Variants in CHD5 observed in about 807,000 individuals in gnomAD.
CHD5 encodes the protein ATP-dependent chromatin remodeler CHD5.
Under a neutral mutation model 230.3 loss-of-function variants are expected in CHD5, and 69 were observed. The observed-to-expected ratio is 0.30, with a 90% CI of 0.25 to 0.37. The LOEUF is 0.37. Ranked by LOEUF, CHD5 falls within the 10% of genes least tolerant of loss-of-function variation. The pLI, the probability that CHD5 is intolerant of heterozygous loss-of-function variation, is 1.00. For synonymous variants in CHD5, 1,064 were observed against 1,065.9 expected (o/e 1.00, Z 0.03); for missense variants, 1,827 against 2,622.8 (o/e 0.70, Z 6.63).
At position 6,126,555 on chromosome 1, in the gene CHD5, T is replaced by A. The variant is rs1305741455; in HGVS notation, c.4078+17A>T. On this transcript the variant is annotated intron_variant, in intron 26 of 41. Transcript: ENST00000262450. The surrounding 1 kb of genome is among the most constrained non-coding windows in gnomAD (Gnocchi z 5.7). ...CCTCTGGGTGAGGGGCACCAGTCCCTCCCTCCCGGCACGCACCCTGGTCCT... is the reference window on the plus strand; with the variant it reads ...CCTCTGGGTGAGGGGCACCAGTCCCACCCTCCCGGCACGCACCCTGGTCCT... 1.9e-6 allele frequency: 3 copies of A among 1,611,502 alleles called. No homozygotes were observed. The highest frequency in any genetic ancestry group is 2.5e-6 in the Non-Finnish European group (3 of 1,179,726).
chr1:6,131,600 C>G lies in CHD5; in HGVS notation c.3262+31G>C, dbSNP rs761961265. 7 of 1,359,588 alleles carry G rather than the reference C, an allele frequency of 5.1e-6. No individual in the cohort carries two copies. The highest frequency in any genetic ancestry group is 6.3e-6 in the Non-Finnish European group (6 of 951,022). The allele number at this position is 1,359,588 out of a possible 1,614,324, so 84.2% of individuals were successfully genotyped here. A position where few individuals can be genotyped will look rare whatever the true frequency, so the allele number is the denominator to read the frequency against. On this transcript the variant is annotated intron_variant, in intron 21 of 41. Coordinates refer to ENST00000262450, the MANE Select transcript of CHD5 (RefSeq NM_015557.3). The surrounding 1 kb of genome is among the most constrained non-coding windows in gnomAD (Gnocchi z 5.0). ...GGGAGAAGAGGCCAAAAAGGAGTCT[C>G]AATCAGAACCCTTGGGCAGGATGGG...
At position 6,129,095 on chromosome 1, in the gene CHD5, C is replaced by T. The variant is rs764348549; in HGVS notation, c.3388-26G>A. On this transcript the variant is annotated intron_variant, in intron 22 of 41. Transcript: ENST00000262450. The surrounding 1 kb of genome is among the most constrained non-coding windows in gnomAD (Gnocchi z 6.8). ...CTGGGGAGACCTGCACCTCAGCACC[C>T]GTGGCTCACCCAGGGCTCCAGGCAA... 46 of 1,548,118 alleles carry T rather than the reference C, an allele frequency of 3.0e-5. No individual in the cohort carries two copies. The highest frequency in any genetic ancestry group is 1.7e-4 in the Middle Eastern group (1 of 5,720).
At chr1:6,143,516 G>A (rs1235336819) in intron 13 of CHD5, among the ~76,000 whole-genome samples, 1 of 152,144 alleles carries the variant, frequency 6.6e-6, no homozygotes, top group African/African-American at 2.4e-5. Flanking sequence ...AGCTACCCAG[G>A]GCTCACTGGC....
chr1:6,142,975 T>C lies in CHD5; in HGVS notation c.2044-370A>G, dbSNP rs950558785. ...GACATGTGGTCACTTACTCACCATT[T>C]TTTGGATGAACAACAAAACGAACAT... On this transcript the variant is annotated intron_variant, in intron 13 of 41. Transcript: ENST00000262450. The surrounding 1 kb of genome is among the most constrained non-coding windows in gnomAD (Gnocchi z 5.2). Among the ~76,000 whole-genome samples, 1 of 152,184 alleles carries C rather than the reference T, an allele frequency of 6.6e-6. No individual in the cohort carries two copies. The highest frequency in any genetic ancestry group is 2.4e-5 in the African/African-American group (1 of 41,432).
At position 6,142,489 on chromosome 1, in the gene CHD5, G is replaced by A. The variant is rs748725169; in HGVS notation, c.2160C>T (p.Asp720=). 1 of 1,614,168 alleles carries A rather than the reference G, an allele frequency of 6.2e-7. No individual in the cohort carries two copies. The highest frequency in any genetic ancestry group is 1.1e-5 in the South Asian group (1 of 91,086). ...WLRFSWAQGT[D]TILADEMGLG... ...GACCCATCTCATCGGCCAGGATGGT[G>A]TCAGTGCCCTGGGCCCAAGAGAAGC... Residue 720 remains aspartate (D), a synonymous_variant, in exon 14 of 42, where the codon GAC becomes GAT. Coordinates refer to ENST00000262450, the MANE Select transcript of CHD5 (RefSeq NM_015557.3). This position sits in a 1 kb window ranked among gnomAD's most constrained non-coding sequence, Gnocchi z 5.2.
intron 2 of CHD5, among the ~76,000 whole-genome samples, chr1:6,165,744 C>T (rs923911171): frequency 1.3e-5 from 2 of 152,200 alleles, no homozygotes; most frequent in South Asian, 4.1e-4. Context: ...AAGAGGAGGG[C>T]GGGGCTGCAG....
chr1:6,144,308 A>G (rs544757021), intron 11 of CHD5, among the ~76,000 whole-genome samples, 153 bp from the exon 12 acceptor site: 9 of 152,306 alleles, frequency 5.9e-5, no homozygotes, highest in Middle Eastern at 3.4e-3. Flanking sequence ...CAGAAGCTCC[A>G]GGGAGGTGCA....
In CHD5 at chr1:6,180,020, G is replaced by A; in HGVS notation, c.4C>T (p.Arg2Trp). The change falls in exon 1 of 42, where the codon CGG becomes TGG. Residue 2 changes from arginine (R) to tryptophan (W), a missense_variant. Arg to Trp is a moderately radical substitution (Grantham distance 101). This residue lies in a region of CHD5 where 113 missense variants were observed against 91.9 expected (regional missense o/e 1.23). Coordinates refer to ENST00000262450, the MANE Select transcript of CHD5 (RefSeq NM_015557.3). Reference protein sequence around the residue: MRGPVGTEEELP... With the variant: MWGPVGTEEELP... ...TCCTCCTCGGTGCCCACTGGGCCCC[G>A]CATGCCCGGCGCGGGGAGGAGGGGA... The A allele has an allele frequency of 1.5e-6, 2 of 1,346,482 alleles. No homozygotes were observed. Among genetic ancestry groups the A allele is most frequent in the African/African-American group, 1.5e-5 (1 of 65,194 alleles). The allele number at this position is 1,346,482 out of a possible 1,614,324, so 83.4% of individuals were successfully genotyped here.
chr1:6,127,202 G>A, intron 25 of CHD5: 1 of 173,184 alleles, frequency 5.8e-6, no homozygotes, highest in Non-Finnish European at 1.2e-5. Flanking sequence ...AAAAGTGTGG[G>A]GTGGACCAGG....
chr1:6,104,018 C>T lies in CHD5; in HGVS notation c.*1456G>A, dbSNP rs1181981559. 6.6e-6 allele frequency: 1 copy of T among 152,172 alleles called. No individual in the cohort carries two copies. The highest frequency in any genetic ancestry group is 1.5e-5 in the Non-Finnish European group (1 of 68,058). The allele number at this position is 152,172 out of a possible 1,614,324, so 9.4% of individuals were successfully genotyped here. On this transcript the variant is annotated 3_prime_UTR_variant, in exon 42 of 42. Coordinates refer to ENST00000262450, the MANE Select transcript of CHD5 (RefSeq NM_015557.3). Reference sequence around the variant, plus strand: ...TTTCACGCAGCCCTTTCCTAACATTCCCAGGATTCTGCACCCCAAGGCACC... The same window carrying T: ...TTTCACGCAGCCCTTTCCTAACATTTCCAGGATTCTGCACCCCAAGGCACC...
chr1:6,107,165 G>A (rs1666192955), intron 38 of CHD5, among the ~76,000 whole-genome samples: 1 of 148,636 alleles, frequency 6.7e-6, no homozygotes, highest in Non-Finnish European at 1.5e-5. Context: ...ATGGAGGGAT[G>A]GAGGGAAGGT....
At position 6,142,648 on chromosome 1, in the gene CHD5, C is replaced by T; in HGVS notation, c.2044-43G>A. The T allele has an allele frequency of 1.9e-6, 3 of 1,571,040 alleles. No homozygotes were observed. The highest frequency in any genetic ancestry group is 2.6e-6 in the Non-Finnish European group (3 of 1,156,734). ...GTTCAGACACGCCCCAGATCCTGGG[C>T]CACCAGAGTCCACACTACAGGCCTT... On this transcript the variant is annotated intron_variant, in intron 13 of 41. Transcript: ENST00000262450. The surrounding 1 kb of genome is among the most constrained non-coding windows in gnomAD (Gnocchi z 5.2).
At position 6,142,647 on chromosome 1, in the gene CHD5, G is replaced by A. The variant is rs752922119; in HGVS notation, c.2044-42C>T. ...GGTTCAGACACGCCCCAGATCCTGGGCCACCAGAGTCCACACTACAGGCCT... is the reference window on the plus strand; with the variant it reads ...GGTTCAGACACGCCCCAGATCCTGGACCACCAGAGTCCACACTACAGGCCT... On this transcript the variant is annotated intron_variant, in intron 13 of 41. Transcript: ENST00000262450. This position sits in a 1 kb window ranked among gnomAD's most constrained non-coding sequence, Gnocchi z 5.2. The A allele has an allele frequency of 4.8e-5, 76 of 1,571,720 alleles. No homozygotes were observed. The East Asian group carries it at 8.6e-4, about 18-fold the overall frequency.
In CHD5 at chr1:6,149,333, G is replaced by A. The variant is rs147670357; in HGVS notation, c.1074C>T (p.Cys358=). ...GATGGTAGGCCCTCGGGCAGGTGTC[G>A]CACAGGATGATCTCCCCACCCTGCT... ...VCQQGGEIIL[C]DTCPRAYHLV... is the part of the protein sequence containing the mutation. Residue 358 remains cysteine, a synonymous_variant, in exon 8 of 42, where the codon TGC becomes TGT. Transcript: ENST00000262450. 2.5e-5 allele frequency: 40 copies of A among 1,612,974 alleles called. No homozygotes were observed. The Middle Eastern group carries it at 6.6e-4, about 27-fold the overall frequency.
intron 33 of CHD5, among the ~76,000 whole-genome samples, chr1:6,119,657 G>C (rs1045787387): frequency 6.6e-6 from 1 of 151,644 alleles, no homozygotes; most frequent in Non-Finnish European, 1.5e-5. Context: ...TTAAAAACTT[G>C]AACAATATAA....
chr1:6,161,985 T>C (rs1485394247), intron 2 of CHD5, among the ~76,000 whole-genome samples: 2 of 152,182 alleles, frequency 1.3e-5, no homozygotes, highest in Non-Finnish European at 2.9e-5. Flanking sequence ...CTCTGCCCCT[T>C]GCAAGCCTGA....
rs376607024 is a variant in CHD5 at position 6,109,976 on chromosome 1, C to A, written c.5397G>T (p.Ala1799=). ...LARRFKLLEQ[A]LVIEEQLRRA... ...TCCGGAGCTGCTCCTCAATGACCAACGCCTGCTCCAGCAGCTGGGGGCGGG... is the reference window on the plus strand; with the variant it reads ...TCCGGAGCTGCTCCTCAATGACCAAAGCCTGCTCCAGCAGCTGGGGGCGGG... Residue 1799 remains alanine, a synonymous_variant, in exon 38 of 42, where the codon GCG becomes GCT. Coordinates refer to ENST00000262450, the MANE Select transcript of CHD5 (RefSeq NM_015557.3). The A allele has an allele frequency of 6.5e-7, 1 of 1,543,940 alleles. No individual in the cohort carries two copies. The highest frequency in any genetic ancestry group is 2.3e-5 in the East Asian group (1 of 43,758).
At position 6,110,526 on chromosome 1, in the gene CHD5, C is replaced by A. The variant is rs745603309; in HGVS notation, c.5250G>T (p.Thr1750=). ...HDYWLLAGIV[T]HGYARWQDIQ... is the part of the protein sequence containing the mutation. ...TGTCCTGCCAGCGGGCGTAGCCGTG[C>A]CTGGGTGGGGCACCATTAAGGGCAA... is the stretch of plus-strand genomic sequence containing the variant. Residue 1750 remains threonine (T), a splice_region_variant and synonymous_variant, in exon 37 of 42, where the codon ACG becomes ACT. Coordinates refer to ENST00000262450, the MANE Select transcript of CHD5 (RefSeq NM_015557.3). 6 of 1,613,594 alleles carry A rather than the reference C, an allele frequency of 3.7e-6. No homozygotes were observed. In the Admixed American group the frequency reaches 8.3e-5, roughly 22 times the overall value.
rs1667067957 is a variant in CHD5 at position 6,155,568 on chromosome 1, G to A, written c.506+31C>T. 14 of 1,553,910 alleles carry A rather than the reference G, an allele frequency of 9.0e-6. No homozygotes were observed. The highest frequency in any genetic ancestry group is 1.2e-5 in the Non-Finnish European group (14 of 1,125,734). On this transcript the variant is annotated intron_variant, in intron 4 of 41. Transcript: ENST00000262450. This position sits in a 1 kb window ranked among gnomAD's most constrained non-coding sequence, Gnocchi z 4.0. ...CTTGGTACCACCAGAGGATGTGCGG[G>A]CCTGGAGAACAGCCCTAGTGCCCCG...
Sources: gnomAD v4.1 joint callset for allele counts (sites outside exome capture counted in the v4.1 genomes callset) on GRCh38, gnomAD v4.1.1 for gene constraint, gnomAD v4.1.1 regional missense constraint, Gnocchi (gnomAD v3.1) non-coding constraint, MANE v1.5 for transcripts, NCBI Gene and HGNC (gene_info 2026-07-23, HGNC 2026-07-21) for gene names.